LINS1: variants seen among roughly 807,000 people sequenced by gnomAD.
LINS1 encodes the protein protein Lines homolog 1.
In LINS1, 27 loss-of-function variants were observed where a neutral mutation model predicts 41.6. That is an observed-to-expected ratio of 0.65 (90% CI 0.48 to 0.89). The LOEUF (loss-of-function observed/expected upper bound fraction) is 0.89, where lower values mean the gene tolerates loss of function less well. LINS1 is among the 40% of genes least tolerant of loss of function. The pLI, the probability that LINS1 is intolerant of heterozygous loss-of-function variation, is 0.00. For synonymous variants in LINS1, 336 were observed against 312.9 expected (o/e 1.07, Z -0.78); for missense variants, 955 against 884.1 (o/e 1.08, Z -1.02).
At position 100,570,038 on chromosome 15, in the gene LINS1, G is replaced by A. The variant is rs1289196632; in HGVS notation, c.1474C>T (p.His492Tyr). 6.4e-7 allele frequency: 1 copy of A among 1,557,826 alleles called. No individual in the cohort carries two copies. The highest frequency in any genetic ancestry group is 1.2e-5 in the South Asian group (1 of 83,668). ...HHTHENGYNP[H>Y]CIFLFFLKNI... ...TTCAAGAAGAACAAGAAAATACAGT[G>A]AGGATTATAGCCATTTTCATGTGTG... Residue 492 changes from histidine (H) to tyrosine (Y), a missense_variant, in exon 7 of 7, where the codon CAC (histidine) becomes TAC (tyrosine). By Grantham distance (83) the His-to-Tyr change is moderately conservative. Transcript: ENST00000314742.
At chr15:100,598,087 A>AG (rs35527401) in intron 1 of LINS1, among the ~76,000 whole-genome samples, 1 of 152,160 alleles carries the variant, frequency 6.6e-6, no homozygotes. Flanking sequence ...TTTCTTTGGC[A>AG]GGGGTAGGTC....
chr15:100,574,694 C>T (rs1203719095), intron 4 of LINS1, among the ~76,000 whole-genome samples: 5 of 152,134 alleles, frequency 3.3e-5, no homozygotes, highest in Admixed American at 3.3e-4. Flanking sequence ...GGCAACAAAG[C>T]AAGACTTGTC....
At position 100,569,505 on chromosome 15, in the gene LINS1, A is replaced by G; in HGVS notation, c.2007T>C (p.Asp669=). The G allele has an allele frequency of 6.2e-7, 1 of 1,614,196 alleles. No individual in the cohort carries two copies. Among genetic ancestry groups the G allele is most frequent in the Non-Finnish European group, 8.5e-7 (1 of 1,180,040 alleles). Residue 669 remains aspartate (D), a synonymous_variant, in exon 7 of 7, where the codon GAT becomes GAC. Coordinates refer to ENST00000314742, the MANE Select transcript of LINS1 (RefSeq NM_001040616.3). ...GAGGCTCAAGGCTAAATTCTTTTTT[A>G]TCCCTGCTTGTCCCAGCTGCATCCT... ...EIQDAAGTSR[D]KKEFSLEPPS...
chr15:100,570,094 A>G lies in LINS1; in HGVS notation c.1418T>C (p.Leu473Ser). ...LTRGCEATESLTQGKEMWDHH... is the reference protein window; with the variant it reads ...LTRGCEATESSTQGKEMWDHH... ...GTCCCACATTTCTTTTCCCTGAGTC[A>G]AGCTTTCAGTGGCTTCACATCCTCT... The change falls in exon 7 of 7, where the codon TTG becomes TCG. Residue 473 changes from leucine (L) to serine (S), a missense_variant. By Grantham distance (145) the Leu-to-Ser change is moderately radical. Coordinates refer to ENST00000314742, the MANE Select transcript of LINS1 (RefSeq NM_001040616.3). 1 of 1,587,276 alleles carries G rather than the reference A, an allele frequency of 6.3e-7. No homozygotes were observed. Among genetic ancestry groups the G allele is most frequent in the Non-Finnish European group, 8.5e-7 (1 of 1,174,944 alleles).
chr15:100,568,279 G>A lies in LINS1; in HGVS notation c.*959C>T, dbSNP rs781303329. On this transcript the variant is annotated 3_prime_UTR_variant, in exon 7 of 7. Transcript: ENST00000314742. The stretch of plus-strand genomic sequence containing the variant: ...AATACCCCAGAAGGAAATAGTAACT[G>A]TATTTGGTTAGTGACTCTCCTGGAT... 2 of 152,176 alleles carry A rather than the reference G, an allele frequency of 1.3e-5. No homozygotes were observed. Among genetic ancestry groups the A allele is most frequent in the Non-Finnish European group, 2.9e-5 (2 of 68,030 alleles). 9.4% of individuals were successfully genotyped at this position (152,176 alleles called of 1,614,324 possible). A position where few individuals can be genotyped will look rare whatever the true frequency, so the allele number is the denominator to read the frequency against.
chr15:100,578,703 C>T (rs1191022772), intron 3 of LINS1, among the ~76,000 whole-genome samples: 1 of 152,192 alleles, frequency 6.6e-6, no homozygotes, highest in African/African-American at 2.4e-5. Context: ...ATAAATCATG[C>T]TGCTATAAAG....
At chr15:100,577,754 C>T (rs1567085427) in intron 3 of LINS1, among the ~76,000 whole-genome samples, 1 of 152,152 alleles carries the variant, frequency 6.6e-6, no homozygotes, top group Non-Finnish European at 1.5e-5. Context: ...GGAGGCATCA[C>T]GCTACCTGAC....
rs977729042 is a variant in LINS1 at position 100,580,350 on chromosome 15, G to T, written c.402C>A (p.Ile134=). ...LESAKVDSKL[I]CMFQNSDKLL... ...ATTTATCTGAATTTTGGAACATGCA[G>T]ATCTACAGGAAAACAAATATAATTA... Residue 134 remains isoleucine, a splice_region_variant and synonymous_variant, in exon 3 of 7, where the codon ATC becomes ATA. Transcript: ENST00000314742. The T allele has an allele frequency of 6.2e-7, 1 of 1,611,750 alleles. No individual in the cohort carries two copies. Among genetic ancestry groups the T allele is most frequent in the Non-Finnish European group, 8.5e-7 (1 of 1,178,286 alleles).
Position 100,571,804 on chromosome 15 carries a change from A to T in LINS1, c.1394+90T>A, listed in dbSNP as rs528276187. 21 of 1,459,944 alleles carry T rather than the reference A, an allele frequency of 1.4e-5. No individual in the cohort carries two copies. The African/African-American group carries it at 2.6e-4, about 18-fold the overall frequency. The allele number at this position is 1,459,944 out of a possible 1,614,324, so 90.4% of individuals were successfully genotyped here. Reference sequence around the variant, plus strand: ...CAGGATGTTTTCCCCCAAATGATGAAAGTAAGCAACACGCCCAGCACATTC... The same window carrying T: ...CAGGATGTTTTCCCCCAAATGATGATAGTAAGCAACACGCCCAGCACATTC... On this transcript the variant is annotated intron_variant, in intron 6 of 6. Transcript: ENST00000314742.
At chr15:100,594,042 C>G (rs1596965672) in intron 1 of LINS1, among the ~76,000 whole-genome samples, 2 of 152,068 alleles carry the variant, frequency 1.3e-5, no homozygotes, top group African/African-American at 4.8e-5. Context: ...TACCAAAATC[C>G]ATGGATGCTC....
rs2037742666 is a variant in LINS1 at position 100,570,133 on chromosome 15, A to G, written c.1395-16T>C. 6.3e-7 allele frequency: 1 copy of G among 1,577,608 alleles called. No individual in the cohort carries two copies. The highest frequency in any genetic ancestry group is 8.6e-7 in the Non-Finnish European group (1 of 1,168,026). ...TTCACATCCTCTGAAAATGAAGATA[A>G]TGGAGAATGCAGATTAATGACCTTA... On this transcript the variant is annotated splice_polypyrimidine_tract_variant and intron_variant, in intron 6 of 6. Coordinates refer to ENST00000314742, the MANE Select transcript of LINS1 (RefSeq NM_001040616.3).
intron 3 of LINS1, chr15:100,576,544 C>G (rs2038192486): frequency 6.6e-6 from 1 of 152,130 alleles, no homozygotes; most frequent in Non-Finnish European, 1.5e-5. Context: ...AGCTTACCAA[C>G]CAAAAAAAGC....
At position 100,580,777 on chromosome 15, in the gene LINS1, T is replaced by C. The variant is rs1227117362; in HGVS notation, c.66A>G (p.Glu22=). Residue 22 remains glutamate, a synonymous_variant, in exon 2 of 7, where the codon GAA becomes GAG. Coordinates refer to ENST00000314742, the MANE Select transcript of LINS1 (RefSeq NM_001040616.3). ...YKKVLLGATL[E]NDSHDYIFYL... ...AAAAGATGTAATCATGGCTGTCATT[T>C]TCAAGTGTGGCTCCAAGAAGTACCT... is the stretch of plus-strand genomic sequence containing the variant. 1 of 1,609,860 alleles carries C rather than the reference T, an allele frequency of 6.2e-7. No individual in the cohort carries two copies. Among genetic ancestry groups the C allele is most frequent in the Non-Finnish European group, 8.5e-7 (1 of 1,177,202 alleles).
At chr15:100,591,682 T>C (rs556211297) in intron 1 of LINS1, among the ~76,000 whole-genome samples, 2 of 152,294 alleles carry the variant, frequency 1.3e-5, no homozygotes, top group East Asian at 3.9e-4. Context: ...ATTAAATCTT[T>C]TAACCAAATT....
intron 3 of LINS1, among the ~76,000 whole-genome samples, chr15:100,577,374 A>G (rs925600219): frequency 6.6e-6 from 1 of 152,250 alleles, no homozygotes; most frequent in Non-Finnish European, 1.5e-5. Context: ...GCATTCTTAT[A>G]CACCAATAAC....
At chr15:100,597,906 G>GAT (rs1448281121) in intron 1 of LINS1, among the ~76,000 whole-genome samples, 5 of 152,240 alleles carry the variant, frequency 3.3e-5, no homozygotes, top group African/African-American at 1.2e-4. Flanking sequence ...CATACTCAAA[G>GAT]ATTTGCAAAA....
intron 1 of LINS1, among the ~76,000 whole-genome samples, chr15:100,592,827 T>C (rs1173482675): frequency 1.3e-5 from 2 of 152,258 alleles, no homozygotes; most frequent in Admixed American, 1.3e-4. Context: ...AATGAATGAA[T>C]GACGACAATA....
At chr15:100,578,447 G>A (rs1169384181) in intron 3 of LINS1, among the ~76,000 whole-genome samples, 1 of 151,504 alleles carries the variant, frequency 6.6e-6, no homozygotes, top group Non-Finnish European at 1.5e-5. Context: ...CTGGCCATCA[G>A]AGAAATGCAA....
intron 1 of LINS1, among the ~76,000 whole-genome samples, chr15:100,585,820 G>T (rs2038779225): frequency 6.6e-6 from 1 of 152,112 alleles, no homozygotes; most frequent in South Asian, 2.1e-4. Flanking sequence ...TACTAAATAA[G>T]CTGGCTTTAA....
Sources: gnomAD v4.1 joint callset for allele counts (sites outside exome capture counted in the v4.1 genomes callset) on GRCh38, gnomAD v4.1.1 for gene constraint, MANE v1.5 for transcripts, NCBI Gene and HGNC (gene_info 2026-07-23, HGNC 2026-07-21) for gene names.